The following CDH2 variants were observed in gnomAD, a reference collection of about 807,000 sequenced individuals.
The protein encoded by CDH2 is cadherin 2.
Under a neutral mutation model 92.0 loss-of-function variants are expected in CDH2, and 17 were observed. The observed-to-expected ratio is 0.18, with a 90% CI of 0.13 to 0.28. The LOEUF is 0.28. CDH2 is among the 10% of genes least tolerant of loss of function. CDH2 has a pLI of 1.00. For missense variants in CDH2, 862 were observed against 1,133.1 expected (o/e 0.76, Z 3.44); for synonymous variants, 419 against 415.9 (o/e 1.01, Z -0.09).
At chr18:28,079,155 A>G (rs1413995785) in intron 2 of CDH2, among the ~76,000 whole-genome samples, 2 of 152,232 alleles carry the variant, frequency 1.3e-5, no homozygotes, top group East Asian at 1.9e-4. Flanking sequence ...TATGCTTATC[A>G]TCATTTCTCA....
At position 27,985,746 on chromosome 18, in the gene CDH2, C is replaced by A; in HGVS notation, c.1757G>T (p.Ser586Ile). 6.2e-7 allele frequency: 1 copy of A among 1,601,922 alleles called. No homozygotes were observed. The highest frequency in any genetic ancestry group is 1.3e-5 in the African/African-American group (1 of 74,746). The change falls in exon 12 of 16, where the codon AGT becomes ATT. Residue 586 changes from serine to isoleucine, a missense_variant. Physicochemically the swap from Ser to Ile is moderately radical, Grantham distance 142. Coordinates refer to ENST00000269141, the MANE Select transcript of CDH2 (RefSeq NM_001792.5). Reference sequence around the variant, plus strand: ...ATAGATCTGCAGCGTTCCTGTTCCACTCATAGGAGGAATTCCTGAAAAGAG... The same window carrying A: ...ATAGATCTGCAGCGTTCCTGTTCCAATCATAGGAGGAATTCCTGAAAAGAG... ...LASDNGIPPMSGTGTLQIYLL... is the reference protein window; with the variant it reads ...LASDNGIPPMIGTGTLQIYLL...
chr18:28,071,017 T>A (rs1157367232), intron 2 of CDH2, among the ~76,000 whole-genome samples: 1 of 152,156 alleles, frequency 6.6e-6, no homozygotes, highest in Admixed American at 6.5e-5. Flanking sequence ...GTGTCTCGGT[T>A]CTGCCTGCAT....
At chr18:28,043,461 AATATATATATATATATATAT>A (rs1158754890) in intron 2 of CDH2, among the ~76,000 whole-genome samples, 1 of 71,992 alleles carries the variant, frequency 1.4e-5, no homozygotes, top group African/African-American at 5.8e-5. Flanking sequence ...GATATAAATA[AATATATATATATATATATAT>A]ATATATATAT....
chr18:28,047,528 T>C (rs1277061885), intron 2 of CDH2, among the ~76,000 whole-genome samples: 1 of 152,164 alleles, frequency 6.6e-6, no homozygotes, highest in Non-Finnish European at 1.5e-5. Flanking sequence ...TTTCAAGTTC[T>C]GATCTCGTAA....
intron 2 of CDH2, among the ~76,000 whole-genome samples, chr18:28,100,962 C>A (rs1033926537): frequency 2.6e-5 from 4 of 152,120 alleles, no homozygotes; most frequent in African/African-American, 4.8e-5. Context: ...TTCACTCTGA[C>A]ATATGCTTTT....
intron 2 of CDH2, among the ~76,000 whole-genome samples, chr18:28,027,560 A>ATAGAAAAATAAT (rs1436835789): frequency 6.6e-6 from 1 of 152,144 alleles, no homozygotes; most frequent in Admixed American, 6.6e-5. Context: ...TAGGGATGAT[A>ATAGAAAAATAAT]TAGAAAAATA....
At position 28,021,264 on chromosome 18, in the gene CDH2, T is replaced by A. The variant is rs146404837; in HGVS notation, c.173-7355A>T. Among the ~76,000 whole-genome samples, 414 of 152,080 alleles carry A rather than the reference T, an allele frequency of 2.7e-3. 1 individual carries two copies. The highest frequency in any genetic ancestry group is 4.5e-3 in the Non-Finnish European group (306 of 67,834). ...TTCATTTCAAAAACGATTTTAAAAT[T>A]TGGCTTGAACATCTTTTCCTGAGAG... On this transcript the variant is annotated intron_variant, in intron 2 of 15. Coordinates refer to ENST00000269141, the MANE Select transcript of CDH2 (RefSeq NM_001792.5).
At chr18:27,971,663 T>G (rs2011663610) in intron 14 of CDH2, among the ~76,000 whole-genome samples, 1 of 152,194 alleles carries the variant, frequency 6.6e-6, no homozygotes, top group Admixed American at 6.5e-5. Flanking sequence ...AATGACAATG[T>G]GCTAACCCAA....
intron 14 of CDH2, among the ~76,000 whole-genome samples, chr18:27,969,190 T>C (rs1262030020): frequency 1.3e-5 from 2 of 152,230 alleles, no homozygotes; most frequent in African/African-American, 2.4e-5. Flanking sequence ...CTAAAAGCTT[T>C]TTCTGGATTG....
intron 1 of CDH2, among the ~76,000 whole-genome samples, chr18:28,165,490 C>G (rs574305423): frequency 6.6e-6 from 1 of 152,162 alleles, no homozygotes; most frequent in Non-Finnish European, 1.5e-5. Context: ...TCACACTCAG[C>G]CTGAAAGCAC....
intron 6 of CDH2, among the ~76,000 whole-genome samples, chr18:28,003,988 C>T (rs2012843293): frequency 6.6e-6 from 1 of 152,170 alleles, no homozygotes; most frequent in South Asian, 2.1e-4. Context: ...AAGTTCAGTT[C>T]TACCTTACAG....
At chr18:27,983,711 C>G (rs2012134366) in intron 13 of CDH2, among the ~76,000 whole-genome samples, 1 of 152,194 alleles carries the variant, frequency 6.6e-6, no homozygotes, top group Non-Finnish European at 1.5e-5. Flanking sequence ...TGCGCCAGGT[C>G]TAGAACCATA....
At chr18:28,047,762 G>T (rs983897057) in intron 2 of CDH2, among the ~76,000 whole-genome samples, 3 of 150,998 alleles carry the variant, frequency 2.0e-5, no homozygotes, top group African/African-American at 7.3e-5. Flanking sequence ...CCAGCTACTC[G>T]GGAGGCTGAG....
At chr18:28,142,642 T>C (rs568450579) in intron 2 of CDH2, among the ~76,000 whole-genome samples, 75 of 152,106 alleles carry the variant, frequency 4.9e-4, no homozygotes, top group African/African-American at 1.8e-3. Context: ...TTTCATTTTT[T>C]CCTCCTTAAT....
intron 2 of CDH2, among the ~76,000 whole-genome samples, chr18:28,126,061 A>G (rs1042594131): frequency 6.6e-6 from 1 of 152,170 alleles, no homozygotes; most frequent in African/African-American, 2.4e-5. Context: ...GAAAAACATG[A>G]TATTTAATAA....
chr18:28,002,519 C>T (rs532242706), intron 7 of CDH2, among the ~76,000 whole-genome samples: 2 of 152,222 alleles, frequency 1.3e-5, no homozygotes, highest in East Asian at 3.9e-4. Flanking sequence ...AGTTAAGGGG[C>T]TAGTTCTAAT....
chr18:28,046,645 C>T (rs552202601), intron 2 of CDH2, among the ~76,000 whole-genome samples: 1 of 152,274 alleles, frequency 6.6e-6, no homozygotes, highest in South Asian at 2.1e-4. Flanking sequence ...GAAATTTTGT[C>T]ACAGACCTGA....
chr18:28,032,423 C>T (rs2013721150), intron 2 of CDH2, among the ~76,000 whole-genome samples: 1 of 152,050 alleles, frequency 6.6e-6, no homozygotes, highest in Non-Finnish European at 1.5e-5. Context: ...AGATTGCACC[C>T]ACTTCCTCAT....
At chr18:28,082,342 C>A (rs759282999) in intron 2 of CDH2, among the ~76,000 whole-genome samples, 12 of 152,074 alleles carry the variant, frequency 7.9e-5, no homozygotes, top group Non-Finnish European at 1.6e-4. Context: ...GCCCCGGAGA[C>A]TGAGGCTGCA....
Sources: gnomAD v4.1 joint callset for allele counts (sites outside exome capture counted in the v4.1 genomes callset) on GRCh38, gnomAD v4.1.1 for gene constraint, MANE v1.5 for transcripts, NCBI Gene and HGNC (gene_info 2026-07-23, HGNC 2026-07-21) for gene names.